PRTFDC1: variants seen among roughly 807,000 people sequenced by gnomAD.
The protein encoded by PRTFDC1 is phosphoribosyltransferase domain-containing protein 1.
A neutral mutation model predicts 34.6 loss-of-function variants in PRTFDC1; 38 were observed. That is an observed-to-expected ratio of 1.10 (90% CI 0.85 to 1.44). The LOEUF is 1.44. PRTFDC1 is among the 40% of genes most tolerant of loss of function. The pLI is 0.00. For missense variants in PRTFDC1, 270 were observed against 283.0 expected (o/e 0.95, Z 0.33); for synonymous variants, 93 against 98.1 (o/e 0.95, Z 0.31).
rs533768882 is a variant in PRTFDC1, at chr10:24,856,889, C to G, written c.506+24G>C. ...GGCTTGCTTGGAAAACTAGAAATCA[C>G]CATGCTATGAATGTCCAACTCACCT... On this transcript the variant is annotated intron_variant, in intron 6 of 8. Transcript: ENST00000320152. 5 of 1,573,290 alleles carry G rather than the reference C, an allele frequency of 3.2e-6. No individual in the cohort carries two copies. In the South Asian group the frequency reaches 5.5e-5, roughly 17 times the overall value.
intron 5 of PRTFDC1, among the ~76,000 whole-genome samples, chr10:24,858,116 G>A (rs761567271): frequency 2.0e-5 from 3 of 152,120 alleles, no homozygotes; most frequent in Non-Finnish European, 4.4e-5. Context: ...CTTTAAAGTT[G>A]TCTGATTCAC....
At position 24,940,194 on chromosome 10, in the gene PRTFDC1, T is replaced by A. The variant is rs181117285; in HGVS notation, c.155+2136A>T. ...AGTTGAACTGAGAAGCACCATCAAC[T>A]GACTGGATCTAATTAACACATATAC... On this transcript the variant is annotated intron_variant, in intron 2 of 8. Transcript: ENST00000320152. 1.2e-4 allele frequency among the ~76,000 whole-genome samples: 19 copies of A among 152,312 alleles called. No individual in the cohort carries two copies. In the East Asian group the frequency reaches 3.3e-3, roughly 26 times the overall value.
intron 3 of PRTFDC1, among the ~76,000 whole-genome samples, chr10:24,902,043 G>C (rs1487721441): frequency 6.6e-6 from 1 of 152,130 alleles, no homozygotes; most frequent in African/African-American, 2.4e-5. Flanking sequence ...GGTGTGTCCT[G>C]GTGACGATCC....
chr10:24,872,131 C>T, intron 3 of PRTFDC1, 68 bp from the exon 4 acceptor site: 3 of 1,367,480 alleles, frequency 2.2e-6, no homozygotes, highest in Non-Finnish European at 1.0e-6. Flanking sequence ...GCACATTTTC[C>T]TGTCTACCCA....
At chr10:24,882,231 A>G (rs1419659023) in intron 3 of PRTFDC1, among the ~76,000 whole-genome samples, 3 of 151,408 alleles carry the variant, frequency 2.0e-5, no homozygotes, top group African/African-American at 2.4e-5. Context: ...AAAAGAAAAG[A>G]AAAAGAGAAA....
chr10:24,858,392 C>A lies in PRTFDC1; in HGVS notation c.423G>T (p.Glu141Asp), dbSNP rs1384539541. The change falls in exon 5 of 9, where the codon GAG (glutamate) becomes GAT (aspartate). Residue 141 changes from glutamate to aspartate, a missense_variant and splice_region_variant. Physicochemically the swap from Glu to Asp is conservative, Grantham distance 45. Coordinates refer to ENST00000320152, the MANE Select transcript of PRTFDC1 (RefSeq NM_020200.7). Reference protein sequence around the residue: ...TLAGKNVLIVEDVVGTGRTMK... With the variant: ...TLAGKNVLIVDDVVGTGRTMK... ...TATGGAAAAGGAAATGCCAGCTTACCTCAACAATGAGAACATTCTGAAATA... is the reference window on the plus strand; with the variant it reads ...TATGGAAAAGGAAATGCCAGCTTACATCAACAATGAGAACATTCTGAAATA... The A allele has an allele frequency of 6.2e-7, 1 of 1,613,208 alleles. No homozygotes were observed. Among genetic ancestry groups the A allele is most frequent in the South Asian group, 1.1e-5 (1 of 91,030 alleles).
chr10:24,909,911 G>C (rs770511349), intron 3 of PRTFDC1, among the ~76,000 whole-genome samples: 24 of 151,988 alleles, frequency 1.6e-4, no homozygotes, highest in Admixed American at 4.6e-4. Flanking sequence ...AGCACTTTGG[G>C]AGGCCAAGGC....
In PRTFDC1 at chr10:24,895,609, C is replaced by T. The variant is rs1848342096; in HGVS notation, c.340-23546G>A. Reference sequence around the variant, plus strand: ...AATGTGGGGGGTGGTGCATGAACGGCCTTGCTTAGGGAAAAGGAACAGCAC... The same window carrying T: ...AATGTGGGGGGTGGTGCATGAACGGTCTTGCTTAGGGAAAAGGAACAGCAC... On this transcript the variant is annotated intron_variant, in intron 3 of 8. Coordinates refer to ENST00000320152, the MANE Select transcript of PRTFDC1 (RefSeq NM_020200.7). Among the ~76,000 whole-genome samples, 5 of 146,694 alleles carry T rather than the reference C, an allele frequency of 3.4e-5. No individual in the cohort carries two copies. In the South Asian group the frequency reaches 8.7e-4, roughly 26 times the overall value.
At chr10:24,860,642 T>A (rs904873914) in intron 4 of PRTFDC1, among the ~76,000 whole-genome samples, 1 of 152,116 alleles carries the variant, frequency 6.6e-6, no homozygotes, top group Non-Finnish European at 1.5e-5. Context: ...TAAGATTATT[T>A]TGTCCATTTT....
At chr10:24,930,492 C>T (rs1275216161) in intron 3 of PRTFDC1, among the ~76,000 whole-genome samples, 1 of 152,164 alleles carries the variant, frequency 6.6e-6, no homozygotes, top group Non-Finnish European at 1.5e-5. Context: ...ATAATAGAAG[C>T]TGGCTTAGCC....
At chr10:24,887,240 G>T (rs1230718078) in intron 3 of PRTFDC1, among the ~76,000 whole-genome samples, 2 of 151,938 alleles carry the variant, frequency 1.3e-5, no homozygotes, top group African/African-American at 2.4e-5. Context: ...AAAGTGCTGG[G>T]ATTACAGGCG....
intron 3 of PRTFDC1, among the ~76,000 whole-genome samples, chr10:24,895,725 A>ATATATC (rs1784668948): frequency 7.1e-6 from 1 of 139,874 alleles, no homozygotes; most frequent in Non-Finnish European, 1.5e-5. Context: ...ATATATATAT[A>ATATATC]TATCTGTAAA....
At chr10:24,938,611 C>T (rs573848692) in intron 2 of PRTFDC1, among the ~76,000 whole-genome samples, 3 of 152,160 alleles carry the variant, frequency 2.0e-5, no homozygotes, top group African/African-American at 4.8e-5. Flanking sequence ...GTGCAGTCAC[C>T]GCTGAGCAGT....
chr10:24,880,881 C>CTCTT (rs1848066609), intron 3 of PRTFDC1, among the ~76,000 whole-genome samples: 2 of 68,694 alleles, frequency 2.9e-5, no homozygotes, highest in Admixed American at 3.5e-4. Flanking sequence ...CTTTCTTTCC[C>CTCTT]TCTTTCCTTC....
intron 3 of PRTFDC1, among the ~76,000 whole-genome samples, chr10:24,884,957 C>T (rs1001293103): frequency 2.0e-5 from 3 of 152,126 alleles, no homozygotes; most frequent in African/African-American, 4.8e-5. Context: ...TGGATCAGTC[C>T]CATCCAGGGT....
chr10:24,855,479 T>C, intron 6 of PRTFDC1, 115 bp from the exon 7 acceptor site: 1 of 1,193,618 alleles, frequency 8.4e-7, no homozygotes, highest in Admixed American at 1.9e-5. Flanking sequence ...ACTGTGGCAC[T>C]ATATAGATGG....
chr10:24,902,464 G>C (rs1848465682), intron 3 of PRTFDC1, among the ~76,000 whole-genome samples: 1 of 152,178 alleles, frequency 6.6e-6, no homozygotes, highest in Non-Finnish European at 1.5e-5. Flanking sequence ...TGTAGTTCAG[G>C]CCTTTTGCAA....
At chr10:24,864,688 A>T (rs2132502120) in intron 4 of PRTFDC1, among the ~76,000 whole-genome samples, 1 of 152,356 alleles carries the variant, frequency 6.6e-6, no homozygotes, top group Non-Finnish European at 1.5e-5. Flanking sequence ...TGCACTGAAA[A>T]ATCAAAAAAT....
intron 3 of PRTFDC1, among the ~76,000 whole-genome samples, chr10:24,891,660 G>C (rs1445088419): frequency 2.6e-5 from 4 of 151,902 alleles, no homozygotes; most frequent in African/African-American, 9.7e-5. Flanking sequence ...CCAGCTACTC[G>C]GGAGGCTGAG....
Sources: gnomAD v4.1 joint callset for allele counts (sites outside exome capture counted in the v4.1 genomes callset) on GRCh38, gnomAD v4.1.1 for gene constraint, MANE v1.5 for transcripts, NCBI Gene and HGNC (gene_info 2026-07-23, HGNC 2026-07-21) for gene names.